ARID1B: variants seen among roughly 807,000 people sequenced by gnomAD.
The protein encoded by ARID1B is AT-rich interactive domain-containing protein 1B.
ARID1B carries 30 observed loss-of-function variants against 212.3 expected under a neutral mutation model. That is an observed-to-expected ratio of 0.14 (90% CI 0.11 to 0.19). The LOEUF is 0.19. ARID1B is among the 10% of genes least tolerant of loss of function. ARID1B has a pLI of 1.00. For missense variants in ARID1B, 2,891 were observed against 3,204.0 expected, an observed-to-expected ratio of 0.90 and a Z score of 2.36; for synonymous variants, 1,402 against 1,301.7, an observed-to-expected ratio of 1.08 and a Z score of -1.66.
intron 3 of ARID1B, among the ~76,000 whole-genome samples, chr6:156,914,774 C>T (rs1273334823): frequency 6.6e-6 from 1 of 152,202 alleles, no homozygotes; most frequent in Non-Finnish European, 1.5e-5. Flanking sequence ...CTCTGGCCAC[C>T]CAGCCCTTTA....
At chr6:157,114,149 G>A (rs1787148049) in intron 6 of ARID1B, among the ~76,000 whole-genome samples, 1 of 152,158 alleles carries the variant, frequency 6.6e-6, no homozygotes, top group South Asian at 2.1e-4. Flanking sequence ...TCTTACGGTT[G>A]ATATATACCT....
chr6:156,850,442 C>A (rs977645561), intron 2 of ARID1B, among the ~76,000 whole-genome samples: 1 of 151,918 alleles, frequency 6.6e-6, no homozygotes, highest in Non-Finnish European at 1.5e-5. Context: ...ATTTTGAATT[C>A]CTAATTTTGT....
At chr6:157,071,060 CTTTTA>C in intron 4 of ARID1B, 1 of 152,294 alleles carries the variant, frequency 6.6e-6, no homozygotes, top group Non-Finnish European at 1.5e-5. Flanking sequence ...CTTCACTCTT[CTTTTA>C]TTTAATTTCT....
chr6:157,109,818 A>G (rs1317307262), intron 5 of ARID1B, among the ~76,000 whole-genome samples: 1 of 152,254 alleles, frequency 6.6e-6, no homozygotes, highest in East Asian at 1.9e-4. Context: ...TAAGGAGTTT[A>G]CATTATATTT....
chr6:156,787,859 C>A (rs942963282), intron 1 of ARID1B, among the ~76,000 whole-genome samples: 56 of 152,078 alleles, frequency 3.7e-4, no homozygotes, highest in African/African-American at 1.3e-3. Flanking sequence ...GACCTTAGCT[C>A]ATTTGGAGGC....
chr6:157,079,901 A>G (rs1405013059), intron 4 of ARID1B, among the ~76,000 whole-genome samples: 8 of 152,240 alleles, frequency 5.3e-5, no homozygotes, highest in African/African-American at 1.4e-4. Flanking sequence ...TTAATATTCT[A>G]AAAAGGAGAA....
At chr6:157,154,342 G>A (rs1790402602) in intron 8 of ARID1B, among the ~76,000 whole-genome samples, 1 of 152,134 alleles carries the variant, frequency 6.6e-6, no homozygotes, top group South Asian at 2.1e-4. Flanking sequence ...TTCTGGCAGG[G>A]ATCTTTAAGC....
At chr6:157,014,119 G>A (rs1312636135) in intron 4 of ARID1B, among the ~76,000 whole-genome samples, 1 of 152,238 alleles carries the variant, frequency 6.6e-6, no homozygotes, top group Non-Finnish European at 1.5e-5. Flanking sequence ...TGAATCCAAA[G>A]ATCGTAGATG....
intron 4 of ARID1B, among the ~76,000 whole-genome samples, chr6:157,069,989 A>G (rs1783910298): frequency 6.6e-6 from 1 of 152,186 alleles, no homozygotes; most frequent in African/African-American, 2.4e-5. Context: ...CCAGTAGGTC[A>G]GTTGATATCA....
intron 4 of ARID1B, among the ~76,000 whole-genome samples, chr6:157,054,805 A>G (rs909842423): frequency 1.3e-5 from 2 of 152,198 alleles, no homozygotes; most frequent in Admixed American, 1.3e-4. Flanking sequence ...ATTTTATTTT[A>G]GCATAAAACA....
At chr6:156,861,154 A>C (rs1284827484) in intron 2 of ARID1B, among the ~76,000 whole-genome samples, 2 of 152,190 alleles carry the variant, frequency 1.3e-5, no homozygotes, top group Non-Finnish European at 2.9e-5. Flanking sequence ...GTGCCAGTGA[A>C]GGAACAACAG....
intron 2 of ARID1B, among the ~76,000 whole-genome samples, chr6:156,892,035 C>T (rs1296874181): frequency 2.7e-5 from 4 of 146,230 alleles, no homozygotes; most frequent in Non-Finnish European, 4.5e-5. Context: ...CCACACCCAG[C>T]GAATTTTCTT....
At chr6:157,128,173 A>AT (rs1364482560) in intron 6 of ARID1B, among the ~76,000 whole-genome samples, 2 of 152,136 alleles carry the variant, frequency 1.3e-5, no homozygotes, top group South Asian at 2.1e-4. Context: ...CTGTCTTCTA[A>AT]TTTTTTATCA....
chr6:156,999,954 G>A (rs180768982), intron 4 of ARID1B, among the ~76,000 whole-genome samples: 1 of 152,358 alleles, frequency 6.6e-6, no homozygotes, highest in African/African-American at 2.4e-5. Context: ...AGAAAGACAT[G>A]CTTGCTGTGC....
At chr6:157,031,513 C>A (rs1193253605) in intron 4 of ARID1B, among the ~76,000 whole-genome samples, 2 of 152,216 alleles carry the variant, frequency 1.3e-5, no homozygotes, top group Non-Finnish European at 2.9e-5. Flanking sequence ...CCTCTCCTCA[C>A]CTTTATTCCC....
At chr6:157,075,294 T>A (rs1187395531) in intron 4 of ARID1B, among the ~76,000 whole-genome samples, 3 of 152,186 alleles carry the variant, frequency 2.0e-5, no homozygotes, top group Non-Finnish European at 4.4e-5. Flanking sequence ...ATAAAAATAG[T>A]CTCCATAAAA....
chr6:157,188,838 C>A (rs1252776379), intron 13 of ARID1B, among the ~76,000 whole-genome samples: 1 of 152,178 alleles, frequency 6.6e-6, no homozygotes, highest in Non-Finnish European at 1.5e-5. Context: ...AGCAGGAGCC[C>A]TGCAAATGTT....
At position 157,132,992 on chromosome 6, in the gene ARID1B, C is replaced by A. The variant is rs1424472702; in HGVS notation, c.2582-36C>A. 5 of 1,568,120 alleles carry A rather than the reference C, an allele frequency of 3.2e-6. No individual in the cohort carries two copies. The Admixed American group carries it at 7.4e-5, about 23-fold the overall frequency. On this transcript the variant is annotated intron_variant, in intron 6 of 19. Coordinates refer to ENST00000636930, the MANE Select transcript of ARID1B (RefSeq NM_001374828.1). ...TTATGTATGCAGAGATTATGAAACACCTGCATTTATATGTTTCCATTTATT... is the reference window on the plus strand; with the variant it reads ...TTATGTATGCAGAGATTATGAAACAACTGCATTTATATGTTTCCATTTATT...
At chr6:156,951,689 C>T (rs540413431) in intron 4 of ARID1B, among the ~76,000 whole-genome samples, 2 of 152,206 alleles carry the variant, frequency 1.3e-5, no homozygotes, top group South Asian at 2.1e-4. Flanking sequence ...GTGATCCGCC[C>T]GCCTCAGCCT....
Sources: gnomAD v4.1 joint callset for allele counts (sites outside exome capture counted in the v4.1 genomes callset) on GRCh38, gnomAD v4.1.1 for gene constraint, MANE v1.5 for transcripts, NCBI Gene and HGNC (gene_info 2026-07-23, HGNC 2026-07-21) for gene names.